TCERG1: variants seen among roughly 807,000 people sequenced by gnomAD.
The protein encoded by TCERG1 is TATA box binding protein (TBP)-associated factor, RNA polymerase II, S, 150kD.
In TCERG1, 37 loss-of-function variants were observed where a neutral mutation model predicts 144.7. The observed-to-expected ratio is 0.26, with a 90% confidence interval of 0.20 to 0.34. The LOEUF (loss-of-function observed/expected upper bound fraction) is 0.34, where lower values mean the gene tolerates loss of function less well. TCERG1 is among the 10% of genes least tolerant of loss of function. TCERG1 has a pLI of 1.00. For missense variants in TCERG1, 1,027 were observed against 1,380.7 expected (o/e 0.74, Z 4.06); for synonymous variants, 492 against 458.2 (o/e 1.07, Z -0.94).
intron 9 of TCERG1, among the ~76,000 whole-genome samples, chr5:146,472,960 A>G (rs1368658237): frequency 1.3e-5 from 2 of 152,024 alleles, no homozygotes. Context: ...TGATCCGCCC[A>G]CCTTGGCCTC....
At position 146,447,354 on chromosome 5, in the gene TCERG1, C is replaced by A; in HGVS notation, c.5C>A (p.Ala2Glu). ...GGATGAACGCGGCCCTCTGTAATGG[C>A]GGAGCGTGGCGGGGACGGGGGCGAG... MAERGGDGGESE... is the reference protein window; with the variant it reads MEERGGDGGESE... The change falls in exon 1 of 23, where the codon GCG (alanine) becomes GAG (glutamate). Residue 2 changes from alanine to glutamate, a missense_variant. Around this residue, in one of 6 missense-constraint regions of TCERG1, gnomAD observed 175 missense variants for 197.0 expected, o/e 0.89. Transcript: ENST00000679501. The A allele has an allele frequency of 6.2e-7, 1 of 1,611,514 alleles. No individual in the cohort carries two copies. The highest frequency in any genetic ancestry group is 8.5e-7 in the Non-Finnish European group (1 of 1,178,994).
intron 19 of TCERG1, among the ~76,000 whole-genome samples, chr5:146,505,032 G>C (rs756543559): frequency 2.0e-5 from 3 of 149,620 alleles, no homozygotes; most frequent in Non-Finnish European, 4.4e-5. Flanking sequence ...GCGACAGAGT[G>C]AGACTCTGTC....
At chr5:146,478,291 A>T in intron 9 of TCERG1, 1 of 421,750 alleles carries the variant, frequency 2.4e-6, no homozygotes. Flanking sequence ...TTTCTCAGTT[A>T]ATATGTTGAT....
intron 21 of TCERG1, among the ~76,000 whole-genome samples, chr5:146,508,671 C>A (rs2150940228): frequency 6.6e-6 from 1 of 152,216 alleles, no homozygotes; most frequent in Non-Finnish European, 1.5e-5. Flanking sequence ...TTTTGGCTTG[C>A]CAGAAAGCTA....
chr5:146,455,256 C>T lies in TCERG1; in HGVS notation c.260C>T (p.Pro87Leu). 1 of 1,614,234 alleles carries T rather than the reference C, an allele frequency of 6.2e-7. No individual in the cohort carries two copies. The highest frequency in any genetic ancestry group is 8.5e-7 in the Non-Finnish European group (1 of 1,180,042). ...ATGCCTCCTCCAGGAGGGATACCTC[C>T]ACCTATGGGCCCTCCACACCTCCAG... ...PPMPPPGGIP[P>L]PMGPPHLQRP... Residue 87 changes from proline (P) to leucine (L), a missense_variant, in exon 2 of 23, where the codon CCA becomes CTA. Pro to Leu is a moderately conservative substitution (Grantham distance 98, BLOSUM62 -3). Around this residue, in one of 6 missense-constraint regions of TCERG1, gnomAD observed 175 missense variants for 197.0 expected, o/e 0.89. Transcript: ENST00000679501.
At chr5:146,498,723 G>A (rs963270099) in intron 17 of TCERG1, 37 bp downstream of exon 17, 7 of 1,582,090 alleles carry the variant, frequency 4.4e-6, no homozygotes, top group Admixed American at 1.9e-5. Flanking sequence ...TGATTGATGG[G>A]AGTGTGAATG....
At chr5:146,480,643 A>C (rs1438447489) in intron 12 of TCERG1, 1 of 152,396 alleles carries the variant, frequency 6.6e-6, no homozygotes, top group Non-Finnish European at 1.5e-5. Flanking sequence ...AGGATGGGGT[A>C]GAGGGTATGC....
At position 146,480,110 on chromosome 5, in the gene TCERG1, G is replaced by A. The variant is rs181376599; in HGVS notation, c.1886+16G>A. The A allele has an allele frequency of 4.2e-5, 65 of 1,557,850 alleles. No individual in the cohort carries two copies. The African/African-American group carries it at 7.0e-4, about 17-fold the overall frequency. On this transcript the variant is annotated intron_variant, in intron 12 of 22. Coordinates refer to ENST00000679501, the MANE Select transcript of TCERG1 (RefSeq NM_001382548.1). ...AAAAACGGAAGTAAGTAATACATAC[G>A]ATTTGATTGAGGTAGATTATATCTT...
Position 146,503,809 on chromosome 5 carries a change from T to G in TCERG1, c.2599-15T>G. Reference sequence around the variant, plus strand: ...GGAGTTGGTAAGAAGGATAATGTAGTTTTTGCTTTTACAGAATTTAGACTC... The same window carrying G: ...GGAGTTGGTAAGAAGGATAATGTAGGTTTTGCTTTTACAGAATTTAGACTC... On this transcript the variant is annotated splice_polypyrimidine_tract_variant and intron_variant, in intron 18 of 22. Transcript: ENST00000679501. 6.4e-7 allele frequency: 1 copy of G among 1,571,116 alleles called. No homozygotes were observed. The highest frequency in any genetic ancestry group is 8.6e-7 in the Non-Finnish European group (1 of 1,165,408).
At chr5:146,447,576 A>G (rs1468824098) in intron 1 of TCERG1, among the ~76,000 whole-genome samples, 168 bp downstream of exon 1, 1 of 152,144 alleles carries the variant, frequency 6.6e-6, no homozygotes, top group African/African-American at 2.4e-5. Context: ...GGCTTGAATG[A>G]GAGCCGGGCC....
At chr5:146,477,584 TG>T (rs1211318954) in intron 9 of TCERG1, among the ~76,000 whole-genome samples, 1 of 138,850 alleles carries the variant, frequency 7.2e-6, no homozygotes, top group African/African-American at 2.6e-5. Flanking sequence ...AATGTAGTTG[TG>T]GTTTTTTTTT....
At position 146,458,869 on chromosome 5, in the gene TCERG1, T is replaced by C. The variant is rs1210442409; in HGVS notation, c.439-15T>C. 9 of 1,582,158 alleles carry C rather than the reference T, an allele frequency of 5.7e-6. No individual in the cohort carries two copies. The highest frequency in any genetic ancestry group is 7.7e-6 in the Non-Finnish European group (9 of 1,163,716). On this transcript the variant is annotated splice_polypyrimidine_tract_variant and intron_variant, in intron 3 of 22. Transcript: ENST00000679501. ...ACAGATTTTATGATACCATTGATTT[T>C]TGCTTCCGCTGCAGGTTTATTATTA...
intron 9 of TCERG1, among the ~76,000 whole-genome samples, chr5:146,474,569 T>C (rs1368977487): frequency 6.6e-6 from 1 of 152,184 alleles, no homozygotes; most frequent in Non-Finnish European, 1.5e-5. Flanking sequence ...TCAAACAGCA[T>C]TGCATGCTAC....
chr5:146,447,773 G>C (rs915631134), intron 1 of TCERG1, among the ~76,000 whole-genome samples: 1 of 152,206 alleles, frequency 6.6e-6, no homozygotes. Context: ...GCTCCGCTGC[G>C]GGCCTGATTT....
At chr5:146,452,622 C>G (rs888559497) in intron 1 of TCERG1, among the ~76,000 whole-genome samples, 1 of 152,134 alleles carries the variant, frequency 6.6e-6, no homozygotes, top group African/African-American at 2.4e-5. Context: ...CAGAGTTTTG[C>G]TCTATTGCCC....
In TCERG1 at chr5:146,457,303, A is replaced by G; in HGVS notation, c.406A>G (p.Ile136Val). The change falls in exon 3 of 23, where the codon ATA becomes GTA. Residue 136 changes from isoleucine to valine, a missense_variant. Coordinates refer to ENST00000679501, the MANE Select transcript of TCERG1 (RefSeq NM_001382548.1). The stretch of plus-strand genomic sequence containing the variant: ...TCCAGCACTACCTCCTACGGAGGAG[A>G]TATGGGTTGAAAATAAAACTCCAGA... ...GTPALPPTEE[I>V]WVENKTPDGK... 1.2e-6 allele frequency: 2 copies of G among 1,611,890 alleles called. No homozygotes were observed. Among genetic ancestry groups the G allele is most frequent in the Non-Finnish European group, 1.7e-6 (2 of 1,179,060 alleles).
chr5:146,491,188 C>T lies in TCERG1; in HGVS notation c.2164-1732C>T, dbSNP rs143539806. 4.2e-3 allele frequency among the ~76,000 whole-genome samples: 637 copies of T among 151,458 alleles called. 4 individuals carry two copies. The highest frequency in any genetic ancestry group is 0.011 in the African/African-American group (448 of 41,258). On this transcript the variant is annotated intron_variant, in intron 15 of 22. Transcript: ENST00000679501. ...TGCATGTAGAGATGGGATTTTGCCA[C>T]GTTGCCCAGGCTGGTCTTGAACTCC... is the stretch of plus-strand genomic sequence containing the variant.
At position 146,507,273 on chromosome 5, in the gene TCERG1, G is replaced by A. The variant is rs79727797; in HGVS notation, c.2961+66G>A. 0.023 allele frequency: 32,516 copies of A among 1,418,972 alleles called. 426 individuals carry two copies. The highest frequency in any genetic ancestry group is 0.03 in the Middle Eastern group (147 of 4,820). The allele number at this position is 1,418,972 out of a possible 1,614,324, so 87.9% of individuals were successfully genotyped here. On this transcript the variant is annotated intron_variant, in intron 20 of 22. Coordinates refer to ENST00000679501, the MANE Select transcript of TCERG1 (RefSeq NM_001382548.1). The surrounding 1 kb of genome is among the most constrained non-coding windows in gnomAD (Gnocchi z 4.6). ...CTTGTTAGTAATTTCTTAAAGCAAA[G>A]CATTGATATGATTTTTAGTGTCATG...
intron 15 of TCERG1, 63 bp from the exon 16 acceptor site, chr5:146,492,857 A>G: frequency 1.7e-6 from 2 of 1,156,626 alleles, no homozygotes; most frequent in Non-Finnish European, 2.6e-6. Context: ...TTGTCCAATA[A>G]TTTGGTAGTT....
Sources: gnomAD v4.1 joint callset for allele counts (sites outside exome capture counted in the v4.1 genomes callset) on GRCh38, gnomAD v4.1.1 for gene constraint, gnomAD v4.1.1 regional missense constraint, Gnocchi (gnomAD v3.1) non-coding constraint, MANE v1.5 for transcripts, NCBI Gene and HGNC (gene_info 2026-07-23, HGNC 2026-07-21) for gene names.